RB1CC1: variants seen among roughly 807,000 people sequenced by gnomAD.
RB1CC1 encodes RB1 inducible coiled-coil 1.
In RB1CC1, 46 loss-of-function variants were observed where a neutral mutation model predicts 177.5. The ratio of observed to expected loss-of-function variants is 0.26; its 90% CI spans 0.20 to 0.33. RB1CC1 has a LOEUF of 0.33. RB1CC1 is among the 10% of genes least tolerant of loss of function. RB1CC1 has a pLI of 1.00. For missense variants in RB1CC1, 1,703 were observed against 1,816.3 expected, an observed-to-expected ratio of 0.94 and a Z score of 1.13; for synonymous variants, 666 against 613.6, an observed-to-expected ratio of 1.09 and a Z score of -1.26.
intron 5 of RB1CC1, among the ~76,000 whole-genome samples, chr8:52,677,645 C>A (rs574515987): frequency 5.1e-4 from 78 of 152,028 alleles, no homozygotes; most frequent in African/African-American, 1.5e-3. Flanking sequence ...GTTGTCCAGG[C>A]AAACTGTAAA....
At chr8:52,633,545 T>C (rs1466542917) in intron 20 of RB1CC1, among the ~76,000 whole-genome samples, 1 of 152,186 alleles carries the variant, frequency 6.6e-6, no homozygotes, top group African/African-American at 2.4e-5. Context: ...AGTTAAGGTA[T>C]AAAGAAGAAA....
At position 52,656,655 on chromosome 8, in the gene RB1CC1, G is replaced by C; in HGVS notation, c.3174C>G (p.Cys1058Trp). The change falls in exon 15 of 24, where the codon TGC (cysteine) becomes TGG (tryptophan). Residue 1058 changes from cysteine to tryptophan, a missense_variant. Cys to Trp is a radical substitution (Grantham distance 215). Around this residue, in one of 6 missense-constraint regions of RB1CC1, gnomAD observed 1,169 missense variants for 1,184.7 expected, o/e 0.99. Transcript: ENST00000025008. ...LKVSDLSDTR[C>W]KLEVELALKE... ...TCAACGCAAGTTCAACCTCTAACTTGCATCTCGTGTCTGACAAATCAGAAA... is the reference window on the plus strand; with the variant it reads ...TCAACGCAAGTTCAACCTCTAACTTCCATCTCGTGTCTGACAAATCAGAAA... 1 of 1,613,826 alleles carries C rather than the reference G, an allele frequency of 6.2e-7. No homozygotes were observed. Among genetic ancestry groups the C allele is most frequent in the Non-Finnish European group, 8.5e-7 (1 of 1,179,904 alleles).
chr8:52,705,367 C>G (rs1269586111), intron 1 of RB1CC1, among the ~76,000 whole-genome samples: 1 of 152,136 alleles, frequency 6.6e-6, no homozygotes, highest in East Asian at 1.9e-4. Flanking sequence ...TCTGGAGGTA[C>G]ATATTCACTA....
chr8:52,624,685 C>A, intron 23 of RB1CC1, 32 bp downstream of exon 23: 1 of 1,512,862 alleles, frequency 6.6e-7, no homozygotes, highest in East Asian at 2.3e-5. Context: ...TTTACAGTTC[C>A]CAGGCTTAGT....
In RB1CC1 at chr8:52,660,406, T is replaced by C. The variant is rs1051862296; in HGVS notation, c.1689+190A>G. 4.6e-5 allele frequency among the ~76,000 whole-genome samples: 7 copies of C among 152,348 alleles called. No homozygotes were observed. The South Asian group carries it at 1.5e-3, about 32-fold the overall frequency. ...CTTCCTGTGTTATGAAGATTCTTTATAAAAAATTATGAATACAAATATCAA... is the reference window on the plus strand; with the variant it reads ...CTTCCTGTGTTATGAAGATTCTTTACAAAAAATTATGAATACAAATATCAA... On this transcript the variant is annotated intron_variant, in intron 12 of 23. Transcript: ENST00000025008.
chr8:52,701,097 T>G (rs1277039304), intron 1 of RB1CC1, among the ~76,000 whole-genome samples: 1 of 152,186 alleles, frequency 6.6e-6, no homozygotes, highest in African/African-American at 2.4e-5. Flanking sequence ...TACAACCTTA[T>G]GTATATAACA....
At chr8:52,641,770 CT>C (rs1473006586) in intron 18 of RB1CC1, among the ~76,000 whole-genome samples, 1 of 152,102 alleles carries the variant, frequency 6.6e-6, no homozygotes, top group Non-Finnish European at 1.5e-5. Context: ...GCAAACTCTA[CT>C]TGCAACGTCC....
At chr8:52,666,402 C>T (rs1267060217) in intron 8 of RB1CC1, among the ~76,000 whole-genome samples, 9 of 151,924 alleles carry the variant, frequency 5.9e-5, no homozygotes. Flanking sequence ...CCTGTAATCC[C>T]AGCTACTTCG....
chr8:52,624,645 A>G, intron 23 of RB1CC1, 72 bp downstream of exon 23: 1 of 1,225,846 alleles, frequency 8.2e-7, no homozygotes, highest in Non-Finnish European at 1.2e-6. Flanking sequence ...AGTGGTAATG[A>G]TTTCTATATA....
In RB1CC1 at chr8:52,683,650, T is replaced by G; in HGVS notation, c.268A>C (p.Thr90Pro). Residue 90 changes from threonine to proline, a missense_variant, in exon 5 of 24, where the codon ACT (threonine) becomes CCT (proline). Transcript: ENST00000025008. ...LCDRPPAIPK[T>P]TFSTENDMEI... The stretch of plus-strand genomic sequence containing the variant: ...ATGTCATTTTCTGTCGAAAAGGTAG[T>G]TTTAGGAATAGCAGGTGGACGATCA... 3 of 1,612,402 alleles carry G rather than the reference T, an allele frequency of 1.9e-6. No individual in the cohort carries two copies. The highest frequency in any genetic ancestry group is 2.5e-6 in the Non-Finnish European group (3 of 1,179,114).
intron 5 of RB1CC1, 58 bp downstream of exon 5, chr8:52,683,491 C>T: frequency 2.1e-6 from 3 of 1,412,202 alleles, no homozygotes; most frequent in Non-Finnish European, 2.8e-6. Context: ...GACTACTGTG[C>T]TATTTAGATC....
intron 1 of RB1CC1, among the ~76,000 whole-genome samples, chr8:52,693,084 A>T (rs1435016770): frequency 6.6e-6 from 1 of 152,222 alleles, no homozygotes; most frequent in Non-Finnish European, 1.5e-5. Context: ...CAGAAAACTG[A>T]AACGGAATCC....
At chr8:52,674,509 C>CTT (rs1018662137) in intron 6 of RB1CC1, among the ~76,000 whole-genome samples, 1 of 152,184 alleles carries the variant, frequency 6.6e-6, no homozygotes, top group African/African-American at 2.4e-5. Context: ...TGGCTCACAC[C>CTT]TGTAATGCCA....
intron 1 of RB1CC1, among the ~76,000 whole-genome samples, chr8:52,699,890 A>C (rs1360931469): frequency 6.9e-6 from 1 of 144,112 alleles, no homozygotes; most frequent in Non-Finnish European, 1.5e-5. Context: ...CTTATAGAAC[A>C]ATCCCAGTGT....
chr8:52,658,717 C>T (rs1851322935), intron 13 of RB1CC1, among the ~76,000 whole-genome samples, 156 bp downstream of exon 13: 2 of 152,010 alleles, frequency 1.3e-5, no homozygotes, highest in South Asian at 4.1e-4. Flanking sequence ...TTTTTATTCC[C>T]CAGAAATTTC....
At chr8:52,700,049 G>C (rs776904701) in intron 1 of RB1CC1, among the ~76,000 whole-genome samples, 19 of 151,546 alleles carry the variant, frequency 1.3e-4, no homozygotes, top group Non-Finnish European at 2.1e-4. Context: ...AGAGCTATGT[G>C]CATGCTAGAA....
At chr8:52,630,378 T>C in intron 21 of RB1CC1, 92 bp downstream of exon 21, 1 of 1,439,056 alleles carries the variant, frequency 6.9e-7, no homozygotes, top group Non-Finnish European at 9.2e-7. Context: ...TCAATGAACC[T>C]GGACCTGAAT....
rs561320393 is a variant in RB1CC1, at chr8:52,690,863, T to C, written c.-166-3896A>G. On this transcript the variant is annotated intron_variant, in intron 1 of 23. Coordinates refer to ENST00000025008, the MANE Select transcript of RB1CC1 (RefSeq NM_014781.5). ...TACATGCTCTCTCTCCACATACGTA[T>C]ACACACAGGGATATATTTTTTCCTG... Among the ~76,000 whole-genome samples, 4 of 152,312 alleles carry C rather than the reference T, an allele frequency of 2.6e-5. No individual in the cohort carries two copies. The East Asian group carries it at 7.7e-4, about 29-fold the overall frequency.
At chr8:52,641,670 CA>C (rs1156398567) in intron 18 of RB1CC1, among the ~76,000 whole-genome samples, 1 of 152,010 alleles carries the variant, frequency 6.6e-6, no homozygotes, top group African/African-American at 2.4e-5. Flanking sequence ...ACCCACTGGG[CA>C]TAATTCTTTG....
Sources: gnomAD v4.1 joint callset for allele counts (sites outside exome capture counted in the v4.1 genomes callset) on GRCh38, gnomAD v4.1.1 for gene constraint, gnomAD v4.1.1 regional missense constraint, MANE v1.5 for transcripts, NCBI Gene and HGNC (gene_info 2026-07-23, HGNC 2026-07-21) for gene names.